Variants in PASD1 observed in about 807,000 individuals in gnomAD.
PASD1 encodes the protein PAS domain containing repressor 1, also known as circadian clock protein PASD1.
Under a neutral mutation model 58.8 loss-of-function variants are expected in PASD1, and 13 were observed. The observed-to-expected ratio is 0.22, with a 90% CI of 0.14 to 0.35. PASD1 has a LOEUF of 0.35. PASD1 is among the 10% of genes least tolerant of loss of function. The pLI is 1.00. For synonymous variants in PASD1, 236 were observed against 216.7 expected, an observed-to-expected ratio of 1.09 and a Z score of -0.78; for missense variants, 734 against 568.3, an observed-to-expected ratio of 1.29 and a Z score of -2.96.
intron 11 of PASD1, among the ~76,000 whole-genome samples, chrX:151,666,473 T>C (rs984936418): frequency 9.2e-6 from 1 of 109,196 alleles, no homozygotes; most frequent in Non-Finnish European, 1.9e-5. Context: ...CATGTTGGTG[T>C]GCTGCACCTA....
Position 151,625,516 on chromosome X carries a change from T to G in PASD1, c.615T>G (p.Phe205Leu), listed in dbSNP as rs1486519234. The G allele has an allele frequency of 1.7e-6, 2 of 1,202,133 alleles. No homozygotes were observed. Residue 205 changes from phenylalanine (F) to leucine (L), a missense_variant, in exon 8 of 16, where the codon TTT becomes TTG. Phe to Leu is a conservative substitution (Grantham distance 22). Transcript: ENST00000370357. ...CACAAGATTCAGATGAGGAACCTTT[T>G]GTGGGAGAGCTCAGGTGAGAGGTAG... Reference protein sequence around the residue: ...VLTQDSDEEPFVGELSSSQGQ... With the variant: ...VLTQDSDEEPLVGELSSSQGQ...
intron 1 of PASD1, among the ~76,000 whole-genome samples, chrX:151,600,320 G>A (rs1368109719): frequency 9.1e-6 from 1 of 109,456 alleles, no homozygotes; most frequent in Non-Finnish European, 1.9e-5. Context: ...CGAGAGAGGG[G>A]GAGGGGGAGG....
chrX:151,648,811 T>A (rs2014095649), intron 9 of PASD1, 109 bp downstream of exon 9: 1 of 887,517 alleles, frequency 1.1e-6, no homozygotes. Flanking sequence ...ATGTGACACA[T>A]GAGCAGTGTT....
intron 1 of PASD1, among the ~76,000 whole-genome samples, chrX:151,577,918 A>G (rs1210121859): frequency 8.9e-6 from 1 of 111,871 alleles, no homozygotes; most frequent in Non-Finnish European, 1.9e-5. Context: ...GCAACCAGTA[A>G]ACCAGTTAAA....
intron 9 of PASD1, among the ~76,000 whole-genome samples, chrX:151,656,265 G>A (rs1377691780): frequency 9.0e-6 from 1 of 111,464 alleles, no homozygotes; most frequent in Non-Finnish European, 1.9e-5. Flanking sequence ...TAGCCTTGTG[G>A]TATAGTTTGA....
intron 1 of PASD1, among the ~76,000 whole-genome samples, chrX:151,569,190 G>A (rs1271796414): frequency 1.8e-5 from 2 of 112,205 alleles, no homozygotes; most frequent in East Asian, 2.8e-4. Flanking sequence ...CTAGTAGAAA[G>A]CAATAAATAT....
rs772767181 is a variant in PASD1 at position 151,672,457 on chromosome X, C to T, written c.1712C>T (p.Pro571Leu). 8.3e-7 allele frequency: 1 copy of T among 1,210,151 alleles called. No homozygotes were observed. Among genetic ancestry groups the T allele is most frequent in the African/African-American group, 1.7e-5 (1 of 57,193 alleles). ...EQQKQQLQEQ[P>L]LKHNVIVGNE... ...CAGAAGCAGCAGCTGCAAGAGCAGC[C>T]ACTGAAGCATAATGTCATCGTGGGG... is the stretch of plus-strand genomic sequence containing the variant. The change falls in exon 14 of 16, where the codon CCA (proline) becomes CTA (leucine). Residue 571 changes from proline to leucine, a missense_variant. Coordinates refer to ENST00000370357, the MANE Select transcript of PASD1 (RefSeq NM_173493.3).
In PASD1 at chrX:151,676,031, C is replaced by T. The variant is rs376922795; in HGVS notation, c.2210C>T (p.Pro737Leu). 8 of 1,209,977 alleles carry T rather than the reference C, an allele frequency of 6.6e-6. No individual in the cohort carries two copies. The African/African-American group carries it at 1.0e-4, about 16-fold the overall frequency. ...TCTGAGGTAGGAGTCGAGGGACCTC[C>T]TGATCCACAGGCTTTCCAAGGCCCT... ...QVSEVGVEGPPDPQAFQGPAA... is the reference protein window; with the variant it reads ...QVSEVGVEGPLDPQAFQGPAA... Residue 737 changes from proline (P) to leucine (L), a missense_variant, in exon 16 of 16, where the codon CCT (proline) becomes CTT (leucine). Physicochemically the swap from Pro to Leu is moderately conservative, Grantham distance 98. Transcript: ENST00000370357.
intron 8 of PASD1, among the ~76,000 whole-genome samples, chrX:151,630,772 G>A (rs2013856992): frequency 8.9e-6 from 1 of 112,710 alleles, no homozygotes; most frequent in African/African-American, 3.2e-5. Context: ...AAACACAAAG[G>A]TGGGAATTTG....
At chrX:151,610,779 C>T (rs987383053) in intron 3 of PASD1, among the ~76,000 whole-genome samples, 14 of 111,482 alleles carry the variant, frequency 1.3e-4, no homozygotes, top group African/African-American at 4.6e-4. Context: ...AATTCTAGCT[C>T]CAAGTTTGTG....
intron 8 of PASD1, among the ~76,000 whole-genome samples, chrX:151,638,597 T>C (rs2013961282): frequency 8.9e-6 from 1 of 111,797 alleles, no homozygotes; most frequent in Admixed American, 9.5e-5. Context: ...ATACAAGTTA[T>C]TTGTTCAATA....
intron 10 of PASD1, among the ~76,000 whole-genome samples, chrX:151,660,949 C>T (rs1313404296): frequency 3.6e-5 from 4 of 111,614 alleles, no homozygotes; most frequent in South Asian, 3.7e-4. Context: ...GTCAGGAGAT[C>T]GAGACCATCC....
intron 6 of PASD1, 132 bp from the exon 7 acceptor site, chrX:151,622,805 G>GA: frequency 1.5e-6 from 1 of 689,257 alleles, no homozygotes; most frequent in Middle Eastern, 3.3e-4. Context: ...AAGAAGACAG[G>GA]AAAAATCCCA....
At chrX:151,617,829 A>G (rs1437923705) in intron 4 of PASD1, among the ~76,000 whole-genome samples, 5 of 111,427 alleles carry the variant, frequency 4.5e-5, no homozygotes, top group Non-Finnish European at 1.9e-5. Flanking sequence ...ACAATTGGAG[A>G]AGCCTTAATT....
chrX:151,601,460 T>A, intron 1 of PASD1, 67 bp from the exon 2 acceptor site: 1 of 850,329 alleles, frequency 1.2e-6, no homozygotes, highest in Non-Finnish European at 1.7e-6. Flanking sequence ...TTGATTAGTC[T>A]TATTGCTTTA....
intron 1 of PASD1, among the ~76,000 whole-genome samples, chrX:151,577,552 T>G (rs992902984): frequency 9.0e-6 from 1 of 111,372 alleles, no homozygotes; most frequent in Non-Finnish European, 1.9e-5. Flanking sequence ...TGAGATGAAG[T>G]CTTGCTCTGT....
Position 151,675,869 on chromosome X carries a change from A to G in PASD1, c.2176-128A>G, listed in dbSNP as rs1432177760. On this transcript the variant is annotated intron_variant, in intron 15 of 15. Transcript: ENST00000370357. ...GCTCCTCCGTCTCCCATCACCTTGC[A>G]GGCTCATGTTCCAAAGAAGTATTTC... 2.2e-5 allele frequency: 16 copies of G among 715,902 alleles called. No homozygotes were observed. The Admixed American group carries it at 4.5e-4, about 20-fold the overall frequency. The allele number at this position is 715,902 out of a possible 1,213,427, so 59.0% of individuals were successfully genotyped here.
chrX:151,629,021 T>A (rs2013831922), intron 8 of PASD1, among the ~76,000 whole-genome samples: 1 of 112,155 alleles, frequency 8.9e-6, no homozygotes, highest in Admixed American at 9.4e-5. Context: ...AGAATGCTTG[T>A]GATTTTTGCA....
chrX:151,582,950 C>A (rs964120851), intron 1 of PASD1, among the ~76,000 whole-genome samples: 1 of 111,956 alleles, frequency 8.9e-6, no homozygotes, highest in African/African-American at 3.2e-5. Flanking sequence ...GTAATTGCTA[C>A]AGAACATCAA....
Sources: gnomAD v4.1 joint callset for allele counts (sites outside exome capture counted in the v4.1 genomes callset) on GRCh38, gnomAD v4.1.1 for gene constraint, MANE v1.5 for transcripts, NCBI Gene and HGNC (gene_info 2026-07-23, HGNC 2026-07-21) for gene names.